The following SEMA3A variants were observed in gnomAD, a reference collection of about 807,000 sequenced individuals.
SEMA3A encodes the protein semaphorin-3A.
SEMA3A carries 29 observed loss-of-function variants against 97.9 expected under a neutral mutation model. The observed-to-expected ratio is 0.30, with a 90% CI of 0.22 to 0.40. The LOEUF (loss-of-function observed/expected upper bound fraction) is 0.40. Among genes scored for constraint, SEMA3A ranks in the 10% least tolerant of loss-of-function variants. The probability of loss-of-function intolerance (pLI) is 1.00; values close to 1 mark genes in which losing one functional copy is unlikely to be tolerated. For synonymous variants in SEMA3A, 321 were observed against 323.7 expected (o/e 0.99, Z 0.09); for missense variants, 763 against 951.3 (o/e 0.80, Z 2.60).
intron 12 of SEMA3A, among the ~76,000 whole-genome samples, chr7:83,998,384 C>T (rs1248152637): frequency 6.6e-6 from 1 of 152,008 alleles, no homozygotes; most frequent in African/African-American, 2.4e-5. Context: ...AGAAAAGGTA[C>T]AATAAAAGTA....
At chr7:84,041,615 A>G (rs1050133236) in intron 6 of SEMA3A, among the ~76,000 whole-genome samples, 1 of 152,108 alleles carries the variant, frequency 6.6e-6, no homozygotes, top group Non-Finnish European at 1.5e-5. Context: ...TTGCTAGCTA[A>G]TGCATACACT....
intron 1 of SEMA3A, among the ~76,000 whole-genome samples, 165 bp from the exon 2 acceptor site, chr7:84,135,116 CTTT>C (rs34940395): frequency 7.5e-5 from 10 of 133,734 alleles, no homozygotes; most frequent in Non-Finnish European, 3.2e-5. Context: ...GTGCATTTTA[CTTT>C]TTTTTTTTTT....
At chr7:84,406,041 C>A (rs1804074927) in intron 1 of SEMA3A, among the ~76,000 whole-genome samples, 1 of 152,010 alleles carries the variant, frequency 6.6e-6, no homozygotes, top group Non-Finnish European at 1.5e-5. Context: ...CGAGAAATAA[C>A]TAAGATCAGA....
intron 2 of SEMA3A, among the ~76,000 whole-genome samples, chr7:84,341,367 T>C (rs1239506010): frequency 2.0e-5 from 3 of 152,168 alleles, no homozygotes; most frequent in African/African-American, 7.2e-5. Context: ...CTTCAAAGAA[T>C]ATTTCAGAGT....
chr7:84,028,894 C>T (rs984224355), intron 6 of SEMA3A, among the ~76,000 whole-genome samples: 4 of 152,346 alleles, frequency 2.6e-5, no homozygotes, highest in Non-Finnish European at 5.9e-5. Flanking sequence ...GCTGGGATTA[C>T]AGGCGTGAGC....
chr7:84,058,068 C>A (rs1793065525), intron 5 of SEMA3A, among the ~76,000 whole-genome samples: 1 of 151,994 alleles, frequency 6.6e-6, no homozygotes, highest in African/African-American at 2.4e-5. Flanking sequence ...CTGTTTGAAA[C>A]TACTTCTTTC....
In SEMA3A at chr7:84,487,822, T is replaced by A. The variant is rs1465870215; in HGVS notation, c.-246+4638A>T. Among the ~76,000 whole-genome samples, 8 of 152,146 alleles carry A rather than the reference T, an allele frequency of 5.3e-5. No individual in the cohort carries two copies. In the East Asian group the frequency reaches 1.2e-3, roughly 22 times the overall value. On this transcript the variant is annotated intron_variant, in intron 1 of 3. Coordinates refer to the SEMA3A transcript ENST00000424555. ...CTCTTTAAAAAAAACAAGAATAGTCTATGACTTTATAAATGCTGATCATAT... is the reference window on the plus strand; with the variant it reads ...CTCTTTAAAAAAAACAAGAATAGTCAATGACTTTATAAATGCTGATCATAT...
At chr7:84,202,724 A>C (rs1245009203) in intron 3 of SEMA3A, among the ~76,000 whole-genome samples, 2 of 152,170 alleles carry the variant, frequency 1.3e-5, no homozygotes, top group Non-Finnish European at 2.9e-5. Flanking sequence ...CATTCAACAA[A>C]ATTTTGAGAT....
At chr7:84,403,378 T>G (rs550134854) in intron 1 of SEMA3A, among the ~76,000 whole-genome samples, 1 of 152,134 alleles carries the variant, frequency 6.6e-6, no homozygotes, top group East Asian at 1.9e-4. Flanking sequence ...CAGGCTTGAG[T>G]AGGTAAACAA....
chr7:84,027,438 T>C (rs1760960573), intron 6 of SEMA3A, among the ~76,000 whole-genome samples: 1 of 152,254 alleles, frequency 6.6e-6, no homozygotes, highest in African/African-American at 2.4e-5. Context: ...CAGTATTTTG[T>C]TGGATTTTCA....
chr7:84,134,710 A>G, intron 2 of SEMA3A, 84 bp downstream of exon 2: 1 of 1,073,004 alleles, frequency 9.3e-7, no homozygotes, highest in Non-Finnish European at 1.3e-6. Flanking sequence ...TCTGTCAGTA[A>G]TCATGCTTTT....
In SEMA3A at chr7:83,961,811, G is replaced by T; in HGVS notation, c.1876C>A (p.His626Asn). 6.2e-7 allele frequency: 1 copy of T among 1,611,336 alleles called. No individual in the cohort carries two copies. The highest frequency in any genetic ancestry group is 1.1e-5 in the South Asian group (1 of 90,920). ...AGGCCTTGATCTGTCCTGATGATAT[G>T]ATCATCCACTCTGATCTAGCAGGTT... ...ERKEEIRVDDHIIRTDQGLLL... is the reference protein window; with the variant it reads ...ERKEEIRVDDNIIRTDQGLLL... The change falls in exon 17 of 17, where the codon CAT becomes AAT. Residue 626 changes from histidine to asparagine, a missense_variant. Physicochemically the swap from His to Asn is moderately conservative, Grantham distance 68. Coordinates refer to ENST00000265362, the MANE Select transcript of SEMA3A (RefSeq NM_006080.3).
intron 4 of SEMA3A, among the ~76,000 whole-genome samples, chr7:84,105,980 T>C (rs1795096782): frequency 6.6e-6 from 1 of 152,304 alleles, no homozygotes; most frequent in South Asian, 2.1e-4. Context: ...CAAGAATTGA[T>C]TGACACATAT....
intron 3 of SEMA3A, among the ~76,000 whole-genome samples, chr7:84,285,707 A>G (rs1800564336): frequency 6.6e-6 from 1 of 152,068 alleles, no homozygotes; most frequent in Admixed American, 6.6e-5. Flanking sequence ...AGCACTTTGG[A>G]AGACCTAAGT....
At chr7:84,316,116 G>T (rs1211591255) in intron 2 of SEMA3A, among the ~76,000 whole-genome samples, 23 of 101,890 alleles carry the variant, frequency 2.3e-4, no homozygotes, top group African/African-American at 8.1e-4. Context: ...GCACAATATA[G>T]GAAGACTCTA....
chr7:84,458,382 T>C (rs148530998), intron 1 of SEMA3A, among the ~76,000 whole-genome samples: 2,367 of 152,160 alleles, frequency 0.016, 67 homozygotes, highest in African/African-American at 0.053. Context: ...TTATTCAACA[T>C]ATTATTGCCA....
intron 3 of SEMA3A, among the ~76,000 whole-genome samples, chr7:84,258,948 T>C (rs1042444214): frequency 6.6e-6 from 1 of 152,116 alleles, no homozygotes; most frequent in African/African-American, 2.4e-5. Context: ...CCTTGCCATC[T>C]GCTATATTTC....
In SEMA3A at chr7:83,977,122, T is replaced by G. The variant is rs1221860310; in HGVS notation, c.1717+10A>C. The G allele has an allele frequency of 3.3e-6, 5 of 1,524,896 alleles. No individual in the cohort carries two copies. The South Asian group carries it at 6.5e-5, about 20-fold the overall frequency. 94.5% of individuals were successfully genotyped at this position (1,524,896 alleles called of 1,614,324 possible). On this transcript the variant is annotated intron_variant, in intron 15 of 16. Coordinates refer to ENST00000265362, the MANE Select transcript of SEMA3A (RefSeq NM_006080.3). ...TCTTAGCAGGTTGAAAGATGAAAAA[T>G]GTGACTTACCATGGTGTAAGTCTGA...
chr7:84,227,514 T>G (rs1256487904), intron 3 of SEMA3A, among the ~76,000 whole-genome samples: 1 of 152,142 alleles, frequency 6.6e-6, no homozygotes, highest in African/African-American at 2.4e-5. Flanking sequence ...TCTTCTCAAT[T>G]TATTCAATTG....
Sources: allele counts gnomAD v4.1 joint callset (sites outside exome capture counted in the v4.1 genomes callset), GRCh38; gene constraint gnomAD v4.1.1; transcripts MANE v1.5; gene names NCBI Gene and HGNC (gene_info 2026-07-23, HGNC 2026-07-21).